LINGO2: variants seen among roughly 807,000 people sequenced by gnomAD.
LINGO2 encodes leucine-rich repeat and immunoglobulin-like domain-containing nogo receptor-interacting protein 2.
LINGO2 carries 14 observed loss-of-function variants against 30.6 expected under a neutral mutation model. The observed-to-expected ratio is 0.46, with a 90% CI of 0.30 to 0.72. The LOEUF (loss-of-function observed/expected upper bound fraction) is 0.72, where lower values mean the gene tolerates loss of function less well. Ranked by LOEUF, LINGO2 falls within the 30% of genes least tolerant of loss-of-function variation. LINGO2 has a pLI of 0.07. For missense variants in LINGO2, 729 were observed against 751.7 expected, an observed-to-expected ratio of 0.97 and a Z score of 0.35; for synonymous variants, 317 against 288.5, an observed-to-expected ratio of 1.10 and a Z score of -1.00.
the LINGO2 span, among the ~76,000 whole-genome samples, chr9:28,950,275 C>T: frequency 2.0e-5 from 3 of 152,150 alleles, no homozygotes; most frequent in South Asian, 4.1e-4. Flanking sequence ...ATGACAAACC[C>T]ACAGCCAATA....
chr9:27,973,423 C>T (rs1269368171), intron 5 of LINGO2, among the ~76,000 whole-genome samples: 1 of 152,136 alleles, frequency 6.6e-6, no homozygotes, highest in Non-Finnish European at 1.5e-5. Flanking sequence ...AAGGACCACT[C>T]TTCCAATAGA....
chr9:28,425,255 G>GTATTATA (rs1053841957), intron 2 of LINGO2, among the ~76,000 whole-genome samples: 13 of 147,002 alleles, frequency 8.8e-5, no homozygotes, highest in Non-Finnish European at 1.6e-4. Context: ...TTAAATATAT[G>GTATTATA]TATTATATAT....
chr9:28,895,858 T>C, the LINGO2 span, among the ~76,000 whole-genome samples: 1 of 152,210 alleles, frequency 6.6e-6, no homozygotes, highest in Admixed American at 6.5e-5. Context: ...AACTTCATTT[T>C]TTAAAAATTT....
At chr9:28,243,900 A>C (rs1821902633) in intron 4 of LINGO2, among the ~76,000 whole-genome samples, 1 of 152,168 alleles carries the variant, frequency 6.6e-6, no homozygotes, top group Non-Finnish European at 1.5e-5. Context: ...CCCCACTGGC[A>C]ATATTAGACA....
chr9:29,130,271 A>G, the LINGO2 span, among the ~76,000 whole-genome samples: 1 of 152,174 alleles, frequency 6.6e-6, no homozygotes, highest in Admixed American at 6.6e-5. Context: ...GCAGCTAATG[A>G]AGTTATAATG....
At chr9:28,123,632 T>C (rs923820215) in intron 4 of LINGO2, among the ~76,000 whole-genome samples, 2 of 152,068 alleles carry the variant, frequency 1.3e-5, no homozygotes, top group African/African-American at 4.8e-5. Flanking sequence ...TGAACCCTTC[T>C]ATAAAAAAGG....
intron 4 of LINGO2, among the ~76,000 whole-genome samples, chr9:28,222,396 T>C (rs1383301260): frequency 6.6e-6 from 1 of 152,154 alleles, no homozygotes; most frequent in African/African-American, 2.4e-5. Context: ...ATCGAATACC[T>C]ATATGTGCTA....
At chr9:28,585,446 C>T (rs1259049418) in intron 1 of LINGO2, among the ~76,000 whole-genome samples, 2 of 151,874 alleles carry the variant, frequency 1.3e-5, no homozygotes, top group African/African-American at 2.4e-5. Flanking sequence ...AATGGTTCAA[C>T]TTAGGATTTT....
the LINGO2 span, among the ~76,000 whole-genome samples, chr9:29,130,514 C>T: frequency 6.6e-6 from 1 of 152,076 alleles, no homozygotes; most frequent in Admixed American, 6.6e-5. Context: ...GAACTTGATG[C>T]CCATGGCCCT....
At chr9:29,067,673 T>C in the LINGO2 span, among the ~76,000 whole-genome samples, 1 of 149,302 alleles carries the variant, frequency 6.7e-6, no homozygotes, top group South Asian at 2.1e-4. Flanking sequence ...TGAACAATCA[T>C]AGTCAAATAA....
chr9:28,887,790 A>G, the LINGO2 span, among the ~76,000 whole-genome samples: 1 of 152,170 alleles, frequency 6.6e-6, no homozygotes, highest in Non-Finnish European at 1.5e-5. Flanking sequence ...CTTCTGTCTG[A>G]AAACATGCTT....
At chr9:28,090,089 A>G (rs915962743) in intron 4 of LINGO2, among the ~76,000 whole-genome samples, 1 of 152,190 alleles carries the variant, frequency 6.6e-6, no homozygotes, top group Middle Eastern at 3.2e-3. Context: ...CCAACCAAAA[A>G]AAGTCCAGGA....
intron 1 of LINGO2, among the ~76,000 whole-genome samples, chr9:28,518,439 A>G (rs1412250491): frequency 6.6e-6 from 1 of 152,194 alleles, no homozygotes; most frequent in East Asian, 1.9e-4. Flanking sequence ...GAAGTATGTC[A>G]TTTCAACATA....
At chr9:28,038,322 A>G (rs1824037322) in intron 4 of LINGO2, among the ~76,000 whole-genome samples, 1 of 152,210 alleles carries the variant, frequency 6.6e-6, no homozygotes, top group Admixed American at 6.5e-5. Context: ...TGGGAAACTA[A>G]GTATCTGAAG....
At chr9:28,860,877 G>C in the LINGO2 span, among the ~76,000 whole-genome samples, 2 of 145,524 alleles carry the variant, frequency 1.4e-5, no homozygotes, top group Non-Finnish European at 3.0e-5. Context: ...TGACAGTCTT[G>C]TGGTCATAGC....
the LINGO2 span, among the ~76,000 whole-genome samples, chr9:28,707,666 T>G: frequency 6.6e-6 from 1 of 152,164 alleles, no homozygotes; most frequent in East Asian, 1.9e-4. Flanking sequence ...GTCCTCCCAC[T>G]GTCACTCTCC....
the LINGO2 span, among the ~76,000 whole-genome samples, chr9:29,043,008 T>C: frequency 6.6e-6 from 1 of 152,008 alleles, no homozygotes; most frequent in South Asian, 2.1e-4. Flanking sequence ...ATATATATTC[T>C]GTACAGAGAG....
At chr9:28,253,280 T>C (rs1472965229) in intron 4 of LINGO2, among the ~76,000 whole-genome samples, 1 of 152,058 alleles carries the variant, frequency 6.6e-6, no homozygotes, top group African/African-American at 2.4e-5. Flanking sequence ...AATGGGAAAG[T>C]CCATCAACAA....
intron 1 of LINGO2, among the ~76,000 whole-genome samples, chr9:28,583,395 A>G (rs1255320761): frequency 6.6e-6 from 1 of 151,978 alleles, no homozygotes; most frequent in African/African-American, 2.4e-5. Flanking sequence ...ATAAAAATCT[A>G]AATGTCTCAT....
Sources: gnomAD v4.1 joint callset for allele counts (sites outside exome capture counted in the v4.1 genomes callset) on GRCh38, gnomAD v4.1.1 for gene constraint, MANE v1.5 for transcripts, NCBI Gene and HGNC (gene_info 2026-07-23, HGNC 2026-07-21) for gene names.